The following JAML variants were observed in gnomAD, a reference collection of about 807,000 sequenced individuals.
The protein encoded by JAML is junction adhesion molecule like, also known as junctional adhesion molecule-like.
Under a neutral mutation model 39.3 loss-of-function variants are expected in JAML, and 25 were observed. The observed-to-expected ratio is 0.64, with a 90% CI of 0.46 to 0.89. The LOEUF (loss-of-function observed/expected upper bound fraction) is 0.89. JAML is among the 40% of genes least tolerant of loss of function. The pLI, the probability that JAML is intolerant of heterozygous loss-of-function variation, is 0.00. For synonymous variants in JAML, 162 were observed against 179.2 expected, an observed-to-expected ratio of 0.90 and a Z score of 0.77; for missense variants, 440 against 486.9, an observed-to-expected ratio of 0.90 and a Z score of 0.91.
chr11:118,198,175 G>A, intron 7 of JAML, 84 bp from the exon 8 acceptor site: 1 of 1,131,898 alleles, frequency 8.8e-7, no homozygotes, highest in Non-Finnish European at 1.3e-6. Flanking sequence ...TCTTGGCTTC[G>A]TGAAGAGAGA....
rs1163952832 is a variant in JAML, at chr11:118,222,480, A to G, written c.-21+2461T>C. 6.6e-6 allele frequency among the ~76,000 whole-genome samples: 1 copy of G among 151,974 alleles called. No individual in the cohort carries two copies. Among genetic ancestry groups the G allele is most frequent in the Non-Finnish European group, 1.5e-5 (1 of 67,984 alleles). ...TCTCAGTCAATGGAATTTTGTCTTGATTTTCCATTTCTGTCTGTCTGTGTA... is the reference window on the plus strand; with the variant it reads ...TCTCAGTCAATGGAATTTTGTCTTGGTTTTCCATTTCTGTCTGTCTGTGTA... On this transcript the variant is annotated intron_variant, in intron 1 of 9. Transcript: ENST00000356289. The surrounding 1 kb of genome is among the most constrained non-coding windows in gnomAD (Gnocchi z 4.2).
intron 2 of JAML, among the ~76,000 whole-genome samples, chr11:118,214,603 G>T (rs1949116482): frequency 6.6e-6 from 1 of 152,130 alleles, no homozygotes; most frequent in South Asian, 2.1e-4. Context: ...GGACCCAAAT[G>T]CATTCTGTTT....
chr11:118,210,424 C>T, intron 4 of JAML, 63 bp downstream of exon 4: 2 of 1,529,688 alleles, frequency 1.3e-6, no homozygotes, highest in Admixed American at 1.7e-5. Context: ...TAATCAGTTT[C>T]CTTGCCTCTT....
chr11:118,214,997 G>A, intron 1 of JAML, 111 bp from the exon 2 acceptor site: 1 of 901,422 alleles, frequency 1.1e-6, no homozygotes, highest in South Asian at 1.5e-5. Context: ...ACACTGGTAT[G>A]CAGCATTGAA....
intron 1 of JAML, among the ~76,000 whole-genome samples, chr11:118,223,796 A>G (rs1949233312): frequency 6.6e-6 from 1 of 152,170 alleles, no homozygotes; most frequent in Non-Finnish European, 1.5e-5. Flanking sequence ...CAAAAAATCC[A>G]TACCCCTTTA....
At chr11:118,213,438 A>G (rs1337529260) in intron 2 of JAML, 1 of 535,984 alleles carries the variant, frequency 1.9e-6, no homozygotes, top group Non-Finnish European at 2.4e-6. Flanking sequence ...CTGCCCCAAC[A>G]GTAGGCTCAC....
chr11:118,207,967 C>G (rs1317718538), intron 4 of JAML, among the ~76,000 whole-genome samples: 1 of 152,140 alleles, frequency 6.6e-6, no homozygotes, highest in Non-Finnish European at 1.5e-5. Context: ...AAAAGAGAAT[C>G]CTTTGTAATA....
chr11:118,201,096 C>T (rs1188696390), intron 6 of JAML: 1 of 156,130 alleles, frequency 6.4e-6, no homozygotes, highest in Non-Finnish European at 1.4e-5. Flanking sequence ...AAAGCAAACA[C>T]CTCCTCAGGG....
chr11:118,211,294 G>GT (rs1201633792), intron 3 of JAML, among the ~76,000 whole-genome samples: 1 of 152,210 alleles, frequency 6.6e-6, no homozygotes, highest in Admixed American at 6.5e-5. Flanking sequence ...CCGGGCTGGA[G>GT]TGCAGTGGCA....
intron 1 of JAML, 136 bp from the exon 2 acceptor site, chr11:118,215,022 G>A (rs866351201): frequency 2.2e-5 from 15 of 691,700 alleles, no homozygotes; most frequent in African/African-American, 2.0e-4. Context: ...AAAAACAGAC[G>A]AGGTCCCAGC....
At chr11:118,195,842 T>C (rs1220257772) in intron 9 of JAML, among the ~76,000 whole-genome samples, 2 of 152,188 alleles carry the variant, frequency 1.3e-5, no homozygotes, top group Non-Finnish European at 2.9e-5. Context: ...GTTGTTGTTG[T>C]TGTTTTGAGA....
intron 6 of JAML, chr11:118,200,972 AG>A (rs1377095822): frequency 5.2e-6 from 1 of 192,468 alleles, no homozygotes; most frequent in African/African-American, 2.3e-5. Context: ...TGTCTTCAAA[AG>A]AACTCATGCC....
In JAML at chr11:118,194,394, C is replaced by T. The variant is rs749180458; in HGVS notation, c.1116G>A (p.Arg372=). 1 of 1,614,054 alleles carries T rather than the reference C, an allele frequency of 6.2e-7. No individual in the cohort carries two copies. Residue 372 remains arginine, a synonymous_variant, in exon 10 of 10, where the codon AGG becomes AGA. Transcript: ENST00000356289. ...MTMHPVWPSL[R]SDRNNSLEKK... ...TTTCAAGTGAGTTGTTCCGATCTGA[C>T]CTCAGAGAAGGCCAAACTGGGTGCT...
intron 7 of JAML, among the ~76,000 whole-genome samples, chr11:118,198,370 G>GT (rs1353595799): frequency 1.3e-5 from 2 of 152,156 alleles, no homozygotes; most frequent in African/African-American, 4.8e-5. Flanking sequence ...TATGGGAGAG[G>GT]TAATTTTAAG....
intron 3 of JAML, among the ~76,000 whole-genome samples, chr11:118,212,011 T>G (rs1949071174): frequency 8.7e-6 from 1 of 114,796 alleles, no homozygotes; most frequent in Admixed American, 8.4e-5. Flanking sequence ...AACCTCGGAA[T>G]TTACCCCTCT....
chr11:118,203,221 C>A (rs1591465629), intron 6 of JAML: 61 of 698,858 alleles, frequency 8.7e-5, no homozygotes, highest in East Asian at 1.6e-4. Context: ...AGCAGCAGGG[C>A]CAGAACTAGG....
At chr11:118,223,579 C>G (rs1017912133) in intron 1 of JAML, among the ~76,000 whole-genome samples, 2 of 152,206 alleles carry the variant, frequency 1.3e-5, no homozygotes, top group East Asian at 3.9e-4. Context: ...GAAATAGATT[C>G]GGTTGGCATC....
At chr11:118,196,672 C>CCCA in intron 9 of JAML, 63 bp downstream of exon 9, 17 of 1,454,050 alleles carry the variant, frequency 1.2e-5, no homozygotes, top group Admixed American at 1.7e-5. Context: ...CCCAGCCACG[C>CCCA]CCACCACCAC....
chr11:118,200,372 G>T, intron 7 of JAML, 102 bp downstream of exon 7: 1 of 1,385,232 alleles, frequency 7.2e-7, no homozygotes, highest in Non-Finnish European at 9.9e-7. Flanking sequence ...CCCCTTCTGT[G>T]AGAATGGCAT....
Sources: gnomAD v4.1 joint callset for allele counts (sites outside exome capture counted in the v4.1 genomes callset) on GRCh38, gnomAD v4.1.1 for gene constraint, Gnocchi (gnomAD v3.1) non-coding constraint, MANE v1.5 for transcripts, NCBI Gene and HGNC (gene_info 2026-07-23, HGNC 2026-07-21) for gene names.